KRT82: variants seen among roughly 807,000 people sequenced by gnomAD.
KRT82 encodes keratin, type II cuticular Hb2.
KRT82 carries 44 observed loss-of-function variants against 48.0 expected under a neutral mutation model. The ratio of observed to expected loss-of-function variants is 0.92; its 90% CI spans 0.72 to 1.18. KRT82 has a LOEUF of 1.18. KRT82 is among the 50% of genes most tolerant of loss of function. KRT82 has a pLI of 0.00. For synonymous variants in KRT82, 297 were observed against 278.3 expected (o/e 1.07, Z -0.67); for missense variants, 701 against 671.4 (o/e 1.04, Z -0.49).
At position 52,405,885 on chromosome 12, in the gene KRT82, G is replaced by C; in HGVS notation, c.393C>G (p.Phe131Leu). 1 of 1,612,372 alleles carries C rather than the reference G, an allele frequency of 6.2e-7. No homozygotes were observed. Among genetic ancestry groups the C allele is most frequent in the Middle Eastern group, 1.7e-4 (1 of 6,060 alleles). ...CCCTTACCTTGTTGATGAAAGATGC[G>C]AAACGGTTGTTGAGGCACTTGATCT... ...KEQIKCLNNR[F>L]ASFINKVRFL... is the part of the protein sequence containing the mutation. Residue 131 changes from phenylalanine (F) to leucine (L), a missense_variant, in exon 1 of 9, where the codon TTC becomes TTG. Transcript: ENST00000257974.
At chr12:52,404,500 C>T (rs1164400733) in intron 1 of KRT82, among the ~76,000 whole-genome samples, 3 of 152,202 alleles carry the variant, frequency 2.0e-5, no homozygotes, top group East Asian at 3.8e-4. Flanking sequence ...CCTCCTCCTC[C>T]CTTTTCGTAA....
Position 52,403,867 on chromosome 12 carries a change from A to T in KRT82, c.454T>A (p.Trp152Arg). ...EQKNKLLETK[W>R]NFMQQQRCCQ... ...CACCTCTGCTGCTGCATGAAGTTCC[A>T]CTTGGTCTCCAGCAGCTTGTTCTTC... Residue 152 changes from tryptophan (W) to arginine (R), a missense_variant, in exon 2 of 9, where the codon TGG (tryptophan) becomes AGG (arginine). Trp to Arg is a moderately radical substitution (Grantham distance 101). Coordinates refer to ENST00000257974, the MANE Select transcript of KRT82 (RefSeq NM_033033.4). The T allele has an allele frequency of 6.2e-7, 1 of 1,613,952 alleles. No individual in the cohort carries two copies. The highest frequency in any genetic ancestry group is 8.5e-7 in the Non-Finnish European group (1 of 1,180,004).
rs892702124 is a variant in KRT82 at position 52,404,934 on chromosome 12, T to C, written c.411+933A>G. On this transcript the variant is annotated intron_variant, in intron 1 of 8. Transcript: ENST00000257974. ...GAATGGCTTGCCCGGGGATTCCGGG[T>C]GTAGGAGTAGAGTCAATGCCAGTGG... 1.6e-4 allele frequency among the ~76,000 whole-genome samples: 25 copies of C among 152,260 alleles called. 2 individuals carry two copies. Among genetic ancestry groups the C allele is most frequent in the Admixed American group, 9.8e-4 (15 of 15,308 alleles).
rs758302904 is a variant in KRT82 at position 52,405,915 on chromosome 12, C to T, written c.363G>A (p.Lys121=). The change falls in exon 1 of 9, where the codon AAG becomes AAA. Residue 121 remains lysine (K), a synonymous_variant. Coordinates refer to ENST00000257974, the MANE Select transcript of KRT82 (RefSeq NM_033033.4). The part of the protein sequence containing the change: ...PTVQRVKRDE[K]EQIKCLNNRF... The stretch of plus-strand genomic sequence containing the variant: ...GGTTGTTGAGGCACTTGATCTGCTC[C>T]TTCTCATCCCTCTTTACCCTCTGCA... 18 of 1,613,964 alleles carry T rather than the reference C, an allele frequency of 1.1e-5. No homozygotes were observed. The highest frequency in any genetic ancestry group is 1.5e-5 in the Non-Finnish European group (18 of 1,179,998).
At position 52,394,920 on chromosome 12, in the gene KRT82, G is replaced by T; in HGVS notation, c.*55C>A. 1 of 1,450,368 alleles carries T rather than the reference G, an allele frequency of 6.9e-7. No homozygotes were observed. Among genetic ancestry groups the T allele is most frequent in the Non-Finnish European group, 9.7e-7 (1 of 1,032,942 alleles). The allele number at this position is 1,450,368 out of a possible 1,614,324, so 89.8% of individuals were successfully genotyped here. ...CCTTGTCTTCAGCCCTGGTGGGAGTGTGACATCCAGGGCCATGGGGCAGGG... is the reference window on the plus strand; with the variant it reads ...CCTTGTCTTCAGCCCTGGTGGGAGTTTGACATCCAGGGCCATGGGGCAGGG... On this transcript the variant is annotated 3_prime_UTR_variant, in exon 9 of 9. Coordinates refer to ENST00000257974, the MANE Select transcript of KRT82 (RefSeq NM_033033.4).
Position 52,403,862 on chromosome 12 carries a change from G to T in KRT82, c.459C>A (p.Asn153Lys). The T allele has an allele frequency of 1.2e-6, 2 of 1,614,046 alleles. No homozygotes were observed. The highest frequency in any genetic ancestry group is 2.2e-5 in the South Asian group (2 of 91,086). The change falls in exon 2 of 9, where the codon AAC becomes AAA. Residue 153 changes from asparagine (N) to lysine (K), a missense_variant. Transcript: ENST00000257974. ...QKNKLLETKW[N>K]FMQQQRCCQT... ...GGCAGCACCTCTGCTGCTGCATGAA[G>T]TTCCACTTGGTCTCCAGCAGCTTGT...
chr12:52,394,969 A>T lies in KRT82; in HGVS notation c.*6T>A. Reference sequence around the variant, plus strand: ...GGGCTCTGTCTCCTGGATGTCTCGGATCATGCTAATGCTTGTGGCTGGGGG... The same window carrying T: ...GGGCTCTGTCTCCTGGATGTCTCGGTTCATGCTAATGCTTGTGGCTGGGGG... On this transcript the variant is annotated 3_prime_UTR_variant, in exon 9 of 9. Transcript: ENST00000257974. 6.2e-7 allele frequency: 1 copy of T among 1,612,578 alleles called. No homozygotes were observed.
intron 6 of KRT82, 55 bp downstream of exon 6, chr12:52,396,828 C>T (rs1939721856): frequency 6.2e-7 from 1 of 1,607,634 alleles, no homozygotes; most frequent in Non-Finnish European, 8.5e-7. Flanking sequence ...ACGGCACAGA[C>T]TGGCCAGTCA....
intron 4 of KRT82, 99 bp from the exon 5 acceptor site, chr12:52,400,248 A>AT: frequency 3.1e-5 from 37 of 1,196,744 alleles, no homozygotes; most frequent in South Asian, 4.3e-5. Flanking sequence ...CAGAGTGCAT[A>AT]GAACTCTGCT....
chr12:52,395,233 G>A (rs758532022), intron 8 of KRT82, 38 bp from the exon 9 acceptor site: 2 of 1,566,616 alleles, frequency 1.3e-6, no homozygotes, highest in African/African-American at 2.7e-5. Flanking sequence ...GCCCCACACG[G>A]TGTGGCTCTC....
At chr12:52,402,664 G>A (rs1360588348) in intron 2 of KRT82, among the ~76,000 whole-genome samples, 2 of 152,170 alleles carry the variant, frequency 1.3e-5, no homozygotes, top group African/African-American at 2.4e-5. Context: ...TTTGTGTGTA[G>A]GTGCAGGTGG....
chr12:52,400,094 T>A lies in KRT82; in HGVS notation c.833A>T (p.Asp278Val). 2 of 1,614,140 alleles carry A rather than the reference T, an allele frequency of 1.2e-6. No individual in the cohort carries two copies. The highest frequency in any genetic ancestry group is 1.7e-6 in the Non-Finnish European group (2 of 1,179,992). ...ISETSVIVKMDNSRELDVDGI... is the reference protein window; with the variant it reads ...ISETSVIVKMVNSRELDVDGI... ...GTCCACGTCCAGCTCCCGGCTGTTG[T>A]CCATCTTCACAATGACCGAGGTCTC... The change falls in exon 5 of 9, where the codon GAC (aspartate) becomes GTC (valine). Residue 278 changes from aspartate (D) to valine (V), a missense_variant. By Grantham distance (152) the Asp-to-Val change is radical. Coordinates refer to ENST00000257974, the MANE Select transcript of KRT82 (RefSeq NM_033033.4).
At position 52,395,177 on chromosome 12, in the gene KRT82, C is replaced by T. The variant is rs902898335; in HGVS notation, c.1340G>A (p.Gly447Asp). Reference sequence around the variant, plus strand: ...CCCACATGGCTCGTACAGGAAGGCGCCTTTGGAGCTGCTCACTGCTGTGGG... The same window carrying T: ...CCCACATGGCTCGTACAGGAAGGCGTCTTTGGAGCTGCTCACTGCTGTGGG... ...PVNISVSSSKGAFLYEPCGVS... is the reference protein window; with the variant it reads ...PVNISVSSSKDAFLYEPCGVS... The change falls in exon 9 of 9, where the codon GGC (glycine) becomes GAC (aspartate). Residue 447 changes from glycine (G) to aspartate (D), a missense_variant. Transcript: ENST00000257974. The T allele has an allele frequency of 1.2e-6, 2 of 1,613,742 alleles. No individual in the cohort carries two copies. Among genetic ancestry groups the T allele is most frequent in the Non-Finnish European group, 1.7e-6 (2 of 1,179,930 alleles).
chr12:52,399,930 C>A, intron 5 of KRT82, 55 bp downstream of exon 5: 2 of 1,574,900 alleles, frequency 1.3e-6, no homozygotes, highest in South Asian at 2.3e-5. Context: ...GGGGTCCTCC[C>A]CTCCCCTGGT....
At chr12:52,404,052 T>G in intron 1 of KRT82, 143 bp from the exon 2 acceptor site, 1 of 683,888 alleles carries the variant, frequency 1.5e-6, no homozygotes, top group Non-Finnish European at 2.5e-6. Context: ...GGTCTCTGCA[T>G]AGACTGGCAT....
At chr12:52,400,422 T>C in intron 4 of KRT82, 105 bp downstream of exon 4, 1 of 902,434 alleles carries the variant, frequency 1.1e-6, no homozygotes, top group South Asian at 1.4e-5. Context: ...GCGGACCTCT[T>C]TCCATGCTTG....
At chr12:52,402,567 G>A (rs190402952) in intron 2 of KRT82, among the ~76,000 whole-genome samples, 1 of 152,304 alleles carries the variant, frequency 6.6e-6, no homozygotes, top group African/African-American at 2.4e-5. Context: ...TATCCTCCAA[G>A]GGCCAGAGCA....
chr12:52,400,483 G>T, intron 4 of KRT82, 44 bp downstream of exon 4: 1 of 1,466,126 alleles, frequency 6.8e-7, no homozygotes, highest in Non-Finnish European at 9.6e-7. Flanking sequence ...TCGATCCCTT[G>T]GCTCCAGCCC....
intron 7 of KRT82, 79 bp downstream of exon 7, chr12:52,395,933 T>C: frequency 2.5e-6 from 4 of 1,583,738 alleles, no homozygotes; most frequent in Non-Finnish European, 3.5e-6. Flanking sequence ...GGGTGAGAGA[T>C]ACTAGCAGCC....
Sources: allele counts gnomAD v4.1 joint callset (sites outside exome capture counted in the v4.1 genomes callset), GRCh38; gene constraint gnomAD v4.1.1; transcripts MANE v1.5; gene names NCBI Gene and HGNC (gene_info 2026-07-23, HGNC 2026-07-21).